TTC21B: variants seen among roughly 807,000 people sequenced by gnomAD.
TTC21B encodes tetratricopeptide repeat domain 21B, also known as tetratricopeptide repeat protein 21B.
In TTC21B, 127 loss-of-function variants were observed where a neutral mutation model predicts 175.1. That is an observed-to-expected ratio of 0.73 (90% confidence interval 0.63 to 0.84). The LOEUF (loss-of-function observed/expected upper bound fraction) is 0.84. Ranked by LOEUF, TTC21B falls within the 40% of genes least tolerant of loss-of-function variation. The pLI, the probability that TTC21B is intolerant of heterozygous loss-of-function variation, is 0.00. For synonymous variants in TTC21B, 524 were observed against 524.5 expected (o/e 1.00, Z 0.01); for missense variants, 1,561 against 1,558.3 (o/e 1.00, Z -0.03).
At chr2:165,882,150 C>T (rs1559037292) in intron 26 of TTC21B, among the ~76,000 whole-genome samples, 2 of 152,094 alleles carry the variant, frequency 1.3e-5, no homozygotes, top group Non-Finnish European at 2.9e-5. Context: ...CTGATTCTCC[C>T]TCTTTTTGTG....
rs191549818 is a variant in TTC21B at position 165,876,099 on chromosome 2, G to A, written c.3873+66C>T. ...CTCTATTTCTATTCACATACATCTG[G>A]AGATTTAAAAAAGTAGGAAATTGTG... On this transcript the variant is annotated intron_variant, in intron 28 of 28. Transcript: ENST00000243344. 2.6e-3 allele frequency: 2,341 copies of A among 911,502 alleles called. 24 individuals carry two copies. Among genetic ancestry groups the A allele is most frequent in the South Asian group, 0.016 (1,229 of 76,364 alleles). 56.5% of individuals were successfully genotyped at this position (911,502 alleles called of 1,614,324 possible).
At chr2:165,920,858 C>T (rs1170745797) in intron 12 of TTC21B, among the ~76,000 whole-genome samples, 1 of 129,050 alleles carries the variant, frequency 7.7e-6, no homozygotes, top group Admixed American at 7.8e-5. Context: ...GACCCTGTCA[C>T]CAGAGATCAA....
intron 9 of TTC21B, 59 bp from the exon 10 acceptor site, chr2:165,929,806 C>T: frequency 9.1e-7 from 1 of 1,096,344 alleles, no homozygotes; most frequent in South Asian, 1.2e-5. Context: ...ATGCACTCTT[C>T]AAGCTAACAT....
At chr2:165,879,491 G>A (rs539664011) in intron 27 of TTC21B, 5 of 152,348 alleles carry the variant, frequency 3.3e-5, no homozygotes, top group Admixed American at 6.5e-5. Flanking sequence ...CAGTTAGTAT[G>A]AGGTTGACTC....
chr2:165,920,814 A>ATATTTTGAAATATTTTAAATATTTAAAGT (rs1559060477), intron 12 of TTC21B, among the ~76,000 whole-genome samples: 1 of 151,908 alleles, frequency 6.6e-6, no homozygotes, highest in East Asian at 1.9e-4. Flanking sequence ...AATATTTAAA[A>ATATTTTGAAATATTTTAAATATTTAAAGT]ATGAGAAGTG....
At chr2:165,941,929 T>C (rs933774167) in intron 5 of TTC21B, among the ~76,000 whole-genome samples, 1 of 152,206 alleles carries the variant, frequency 6.6e-6, no homozygotes, top group African/African-American at 2.4e-5. Flanking sequence ...TCAGATGTTA[T>C]TGTATTTTCT....
At chr2:165,894,380 T>G (rs546563097) in intron 22 of TTC21B, among the ~76,000 whole-genome samples, 1 of 152,216 alleles carries the variant, frequency 6.6e-6, no homozygotes, top group South Asian at 2.1e-4. Flanking sequence ...AGCCTTAATC[T>G]AAAGTACAAG....
chr2:165,919,264 TG>T lies in TTC21B; in HGVS notation c.1674+11del, dbSNP rs778399381. 6.2e-7 allele frequency: 1 copy of T among 1,613,834 alleles called. No individual in the cohort carries two copies. The stretch of plus-strand genomic sequence containing the variant: ...GTGATATGTCTTATCCACTTCAGTC[TG>T]GAATACTTACCTTAAAATCATAGCT... On this transcript the variant is annotated intron_variant, in intron 13 of 28. Transcript: ENST00000243344.
chr2:165,911,672 T>C (rs545838216), intron 17 of TTC21B, among the ~76,000 whole-genome samples: 2 of 150,146 alleles, frequency 1.3e-5, no homozygotes, highest in Non-Finnish European at 2.9e-5. Context: ...ATATATATTT[T>C]TTTTTTTTGA....
chr2:165,919,417 A>G lies in TTC21B; in HGVS notation c.1533T>C (p.Ala511=), dbSNP rs1250593201. 1 of 1,614,066 alleles carries G rather than the reference A, an allele frequency of 6.2e-7. No individual in the cohort carries two copies. Among genetic ancestry groups the G allele is most frequent in the Non-Finnish European group, 8.5e-7 (1 of 1,179,934 alleles). The change falls in exon 13 of 29, where the codon GCT becomes GCC. Residue 511 remains alanine, a synonymous_variant. Coordinates refer to ENST00000243344, the MANE Select transcript of TTC21B (RefSeq NM_024753.5). The part of the protein sequence containing the change: ...VKYLSGDIEA[A]FNNLQHCLEH... Reference sequence around the variant, plus strand: ...CTAAGCAGTGCTGAAGGTTATTGAAAGCTGCTTCAATATCACCTAATAAGA... The same window carrying G: ...CTAAGCAGTGCTGAAGGTTATTGAAGGCTGCTTCAATATCACCTAATAAGA...
rs773698142 is a variant in TTC21B, at chr2:165,929,245, G to C, written c.1276C>G (p.His426Asp). 6 of 1,612,900 alleles carry C rather than the reference G, an allele frequency of 3.7e-6. No individual in the cohort carries two copies. Among genetic ancestry groups the C allele is most frequent in the Non-Finnish European group, 4.2e-6 (5 of 1,179,272 alleles). Reference sequence around the variant, plus strand: ...GGCAAACCTTCTAATTGTGAAAAGTGAGTGTCCAGGACATCATTTAACAAA... The same window carrying C: ...GGCAAACCTTCTAATTGTGAAAAGTCAGTGTCCAGGACATCATTTAACAAA... ...INLLNDVLDT[H>D]FSQLEGLPLG... Residue 426 changes from histidine to aspartate, a missense_variant, in exon 11 of 29, where the codon CAC becomes GAC. Coordinates refer to ENST00000243344, the MANE Select transcript of TTC21B (RefSeq NM_024753.5).
chr2:165,926,877 T>C (rs569368676), intron 11 of TTC21B, among the ~76,000 whole-genome samples: 1 of 151,058 alleles, frequency 6.6e-6, no homozygotes, highest in Non-Finnish European at 1.5e-5. Flanking sequence ...GGACTCGGAC[T>C]GGCTTCTTTG....
intron 26 of TTC21B, among the ~76,000 whole-genome samples, chr2:165,883,385 T>C (rs202152714): frequency 6.6e-5 from 10 of 152,204 alleles, no homozygotes. Flanking sequence ...GCATAATAGA[T>C]TCTAATAATG....
At chr2:165,933,194 T>C (rs1686977644) in intron 6 of TTC21B, 137 bp from the exon 7 acceptor site, 9 of 647,250 alleles carry the variant, frequency 1.4e-5, no homozygotes, top group Non-Finnish European at 2.4e-5. Flanking sequence ...TGTCATCTGC[T>C]TTGTGAAAAT....
chr2:165,878,853 T>C (rs913900838), intron 27 of TTC21B, among the ~76,000 whole-genome samples: 2 of 152,012 alleles, frequency 1.3e-5, no homozygotes, highest in African/African-American at 2.4e-5. Flanking sequence ...GGCTAATTTT[T>C]GTATTTTTAG....
chr2:165,922,294 C>A (rs1686440745), intron 12 of TTC21B, among the ~76,000 whole-genome samples: 1 of 151,786 alleles, frequency 6.6e-6, no homozygotes, highest in African/African-American at 2.4e-5. Flanking sequence ...GGTAAAACAA[C>A]CCTCTGACAT....
intron 4 of TTC21B, among the ~76,000 whole-genome samples, chr2:165,944,416 T>G (rs1350723490): frequency 6.6e-6 from 1 of 152,180 alleles, no homozygotes; most frequent in Non-Finnish European, 1.5e-5. Context: ...TTCTAAACTA[T>G]TATCAGTTCA....
At position 165,891,020 on chromosome 2, in the gene TTC21B, C is replaced by T. The variant is rs1413464415; in HGVS notation, c.2951-32G>A. The T allele has an allele frequency of 2.6e-6, 4 of 1,541,210 alleles. No homozygotes were observed. The African/African-American group carries it at 5.5e-5, about 21-fold the overall frequency. On this transcript the variant is annotated intron_variant, in intron 22 of 28. Coordinates refer to ENST00000243344, the MANE Select transcript of TTC21B (RefSeq NM_024753.5). ...ACAAATAATACTTCAGATATGGGCA[C>T]CATTTTATACTGTTTCTTTTGTTGG...
intron 1 of TTC21B, 53 bp downstream of exon 1, chr2:165,953,632 A>T: frequency 7.1e-7 from 1 of 1,416,382 alleles, no homozygotes; most frequent in Non-Finnish European, 9.4e-7. Context: ...AAAAGGCCGC[A>T]AAGGAACTCC....
Sources: gnomAD v4.1 joint callset for allele counts (sites outside exome capture counted in the v4.1 genomes callset) on GRCh38, gnomAD v4.1.1 for gene constraint, MANE v1.5 for transcripts, NCBI Gene and HGNC (gene_info 2026-07-23, HGNC 2026-07-21) for gene names.